CCNJL: variants seen among roughly 807,000 people sequenced by gnomAD.
The protein encoded by CCNJL is cyclin-J-like protein.
A neutral mutation model predicts 33.4 loss-of-function variants in CCNJL; 33 were observed. The ratio of observed to expected loss-of-function variants is 0.99; its 90% CI spans 0.75 to 1.32. The LOEUF is 1.32. Among genes scored for constraint, CCNJL ranks in the 40% most tolerant of loss-of-function variants. The probability of loss-of-function intolerance (pLI) is 0.00; values close to 1 mark genes in which losing one functional copy is unlikely to be tolerated. For missense variants in CCNJL, 512 were observed against 499.7 expected, an observed-to-expected ratio of 1.02 and a Z score of -0.23; for synonymous variants, 227 against 220.9, an observed-to-expected ratio of 1.03 and a Z score of -0.24.
intron 1 of CCNJL, among the ~76,000 whole-genome samples, chr5:160,337,607 T>C (rs10078206): frequency 0.48 from 72,591 of 151,772 alleles, 17,625 homozygotes; most frequent in Middle Eastern, 0.54. Context: ...ACTCCCACCT[T>C]AGGGACGTTG....
At chr5:160,329,350 C>CT (rs1164893806) in intron 1 of CCNJL, among the ~76,000 whole-genome samples, 12,220 of 133,028 alleles carry the variant, frequency 0.092, 666 homozygotes, top group East Asian at 0.17. Flanking sequence ...AGGAAGTCTT[C>CT]TTTTTTTTTT....
chr5:160,303,938 T>TAGAC (rs57163078), intron 2 of CCNJL, among the ~76,000 whole-genome samples: 70,497 of 151,426 alleles, frequency 0.47, 17,338 homozygotes, highest in African/African-American at 0.62. Context: ...TCCACTCCCT[T>TAGAC]AGCACAGGCT....
At chr5:160,287,046 G>A (rs1762429790) in intron 2 of CCNJL, among the ~76,000 whole-genome samples, 2 of 152,254 alleles carry the variant, frequency 1.3e-5, no homozygotes, top group Non-Finnish European at 2.9e-5. Flanking sequence ...CCACATACCG[G>A]GGATTAGCTT....
intron 2 of CCNJL, among the ~76,000 whole-genome samples, chr5:160,308,156 C>T (rs1053989239): frequency 6.6e-6 from 1 of 152,196 alleles, no homozygotes. Flanking sequence ...CTGAGCAGCA[C>T]TATGTGAACG....
At chr5:160,284,317 A>G (rs1762338050) in intron 2 of CCNJL, among the ~76,000 whole-genome samples, 1 of 152,134 alleles carries the variant, frequency 6.6e-6, no homozygotes, top group Non-Finnish European at 1.5e-5. Flanking sequence ...GTGTCACTGC[A>G]CTCTAGCCTG....
At position 160,283,466 on chromosome 5, in the gene CCNJL, C is replaced by T. The variant is rs370789279; in HGVS notation, c.67-2728G>A. Among the ~76,000 whole-genome samples the T allele has an allele frequency of 8.5e-5, 13 of 152,220 alleles. No homozygotes were observed. The South Asian group carries it at 2.5e-3, about 29-fold the overall frequency. Reference sequence around the variant, plus strand: ...TGTGAATACACAAACAACTAAACTGCATATTTTAATTTTTTTACTTTTAAT... The same window carrying T: ...TGTGAATACACAAACAACTAAACTGTATATTTTAATTTTTTTACTTTTAAT... On this transcript the variant is annotated intron_variant, in intron 2 of 5. Coordinates refer to ENST00000257536, the MANE Select transcript of CCNJL (RefSeq NM_001308173.3).
Position 160,310,317 on chromosome 5 carries a change from C to T in CCNJL, c.66+1541G>A, listed in dbSNP as rs140625975. 3.9e-3 allele frequency among the ~76,000 whole-genome samples: 594 copies of T among 152,328 alleles called. 7 individuals are homozygous for T. The highest frequency in any genetic ancestry group is 0.013 in the African/African-American group (545 of 41,576). Reference sequence around the variant, plus strand: ...GTCCAGATGCCTAGAATGTGCCACACGTTGGCCACTCTGTTCTGGGAAGAA... The same window carrying T: ...GTCCAGATGCCTAGAATGTGCCACATGTTGGCCACTCTGTTCTGGGAAGAA... On this transcript the variant is annotated intron_variant, in intron 2 of 5. Transcript: ENST00000257536.
chr5:160,297,089 G>A (rs1762770208), intron 2 of CCNJL, among the ~76,000 whole-genome samples: 1 of 152,154 alleles, frequency 6.6e-6, no homozygotes. Flanking sequence ...CATTAAAAGT[G>A]GACTATCATT....
chr5:160,296,618 T>G (rs1004164186), intron 2 of CCNJL, among the ~76,000 whole-genome samples: 5 of 152,126 alleles, frequency 3.3e-5, no homozygotes, highest in African/African-American at 1.2e-4. Context: ...CTCCATGGGT[T>G]CTCAGGATAA....
At chr5:160,272,284 A>G (rs1366657824) in intron 3 of CCNJL, among the ~76,000 whole-genome samples, 1 of 152,180 alleles carries the variant, frequency 6.6e-6, no homozygotes, top group East Asian at 1.9e-4. Context: ...AGCAGGGGTG[A>G]GTGGGGGATG....
chr5:160,313,611 C>A (rs2113465680), upstream of CCNJL, among the ~76,000 whole-genome samples: 1 of 152,116 alleles, frequency 6.6e-6, no homozygotes, highest in African/African-American at 2.4e-5. Flanking sequence ...TAATGTAAAA[C>A]AAACGAACCA....
rs1204419762 is a variant in CCNJL at position 160,291,908 on chromosome 5, CA to C, written c.67-11171del. ...TTATGTATATAATATGGTGATTTCC[CA>C]GGGGTGGGGAACCACCAGGTTGTTT... On this transcript the variant is annotated intron_variant, in intron 2 of 5. Coordinates refer to ENST00000257536, the MANE Select transcript of CCNJL (RefSeq NM_001308173.3). Among the ~76,000 whole-genome samples the C allele has an allele frequency of 5.3e-5, 8 of 152,234 alleles. No individual in the cohort carries two copies. The South Asian group carries it at 1.7e-3, about 32-fold the overall frequency.
At chr5:160,255,387 ACTT>A (rs1395859994) in intron 5 of CCNJL, 159 bp downstream of exon 5, 7 of 578,554 alleles carry the variant, frequency 1.2e-5, no homozygotes, top group Non-Finnish European at 2.2e-5. Flanking sequence ...TCGAAACCCC[ACTT>A]CTACCAGGAG....
chr5:160,287,824 T>C (rs1440984858), intron 2 of CCNJL, among the ~76,000 whole-genome samples: 1 of 151,854 alleles, frequency 6.6e-6, no homozygotes, highest in Non-Finnish European at 1.5e-5. Flanking sequence ...GACCTTCCCC[T>C]CAGCATGCCT....
intron 2 of CCNJL, among the ~76,000 whole-genome samples, chr5:160,282,269 T>C (rs1307623200): frequency 6.6e-6 from 1 of 152,242 alleles, no homozygotes; most frequent in Non-Finnish European, 1.5e-5. Flanking sequence ...GTACCTTCTC[T>C]ACACTGGGTG....
chr5:160,292,690 T>C (rs1744359167), intron 2 of CCNJL, among the ~76,000 whole-genome samples: 1 of 147,662 alleles, frequency 6.8e-6, no homozygotes, highest in South Asian at 2.1e-4. Flanking sequence ...TAGTTTTATA[T>C]ATATATATAT....
At position 160,306,807 on chromosome 5, in the gene CCNJL, G is replaced by T. The variant is rs569579257; in HGVS notation, c.66+5051C>A. On this transcript the variant is annotated intron_variant, in intron 2 of 5. Coordinates refer to ENST00000257536, the MANE Select transcript of CCNJL (RefSeq NM_001308173.3). Reference sequence around the variant, plus strand: ...AACAGGACCTCCTGTTAGAAGTCTGGGAGGAATTATCTACATTTCTGTTAT... The same window carrying T: ...AACAGGACCTCCTGTTAGAAGTCTGTGAGGAATTATCTACATTTCTGTTAT... Among the ~76,000 whole-genome samples the T allele has an allele frequency of 8.5e-5, 13 of 152,336 alleles. No individual in the cohort carries two copies. In the South Asian group the frequency reaches 2.5e-3, roughly 29 times the overall value.
At chr5:160,298,043 C>T (rs1471359674) in intron 2 of CCNJL, among the ~76,000 whole-genome samples, 1 of 152,136 alleles carries the variant, frequency 6.6e-6, no homozygotes, top group African/African-American at 2.4e-5. Flanking sequence ...CTATGTGTGC[C>T]TTATCTAAGG....
intron 4 of CCNJL, among the ~76,000 whole-genome samples, chr5:160,256,164 C>T (rs751640482): frequency 2.6e-5 from 4 of 152,198 alleles, no homozygotes; most frequent in Non-Finnish European, 5.9e-5. Context: ...GCTGGGATTA[C>T]AGGTGTGAGC....
Sources: gnomAD v4.1 joint callset for allele counts (sites outside exome capture counted in the v4.1 genomes callset) on GRCh38, gnomAD v4.1.1 for gene constraint, MANE v1.5 for transcripts, NCBI Gene and HGNC (gene_info 2026-07-23, HGNC 2026-07-21) for gene names.